Variants in RSPH9 observed in about 807,000 individuals in gnomAD.
RSPH9 encodes the protein radial spoke head protein 9 homolog.
RSPH9 carries 27 observed loss-of-function variants against 27.0 expected under a neutral mutation model. The observed-to-expected ratio is 1.00, with a 90% CI of 0.74 to 1.38. The LOEUF (loss-of-function observed/expected upper bound fraction) is 1.38. Among genes scored for constraint, RSPH9 ranks in the 40% most tolerant of loss-of-function variants. The probability of loss-of-function intolerance (pLI) is 0.00; values close to 1 mark genes in which losing one functional copy is unlikely to be tolerated. For missense variants in RSPH9, 347 were observed against 357.4 expected (o/e 0.97, Z 0.24); for synonymous variants, 145 against 147.7 (o/e 0.98, Z 0.13).
chr6:43,656,432 T>G, intron 3 of RSPH9, 145 bp from the exon 4 acceptor site: 1 of 954,944 alleles, frequency 1.0e-6, no homozygotes, highest in Non-Finnish European at 1.7e-6. Flanking sequence ...ACTGAGGGAA[T>G]GCTAATCCCT....
chr6:43,656,899 A>G (rs1274296943), intron 4 of RSPH9, among the ~76,000 whole-genome samples, 176 bp downstream of exon 4: 3 of 152,166 alleles, frequency 2.0e-5, no homozygotes, highest in African/African-American at 7.2e-5. Flanking sequence ...CACACTGATG[A>G]GTGTCCTTGA....
rs760687663 is a variant in RSPH9 at position 43,645,224 on chromosome 6, T to G, written c.126T>G (p.Asp42Glu). The G allele has an allele frequency of 1.2e-5, 20 of 1,613,958 alleles. No individual in the cohort carries two copies. The highest frequency in any genetic ancestry group is 1.5e-5 in the Non-Finnish European group (18 of 1,180,026). ...LMLVKRDYRY[D>E]RVLFWGRILG... ...TGGTTAAGCGCGACTACCGCTATGA[T>G]CGGGTTCTCTTCTGGGGCCGCATCC... is the stretch of plus-strand genomic sequence containing the variant. Residue 42 changes from aspartate to glutamate, a missense_variant, in exon 1 of 5, where the codon GAT becomes GAG. Coordinates refer to ENST00000372163, the MANE Select transcript of RSPH9 (RefSeq NM_152732.5).
intron 2 of RSPH9, among the ~76,000 whole-genome samples, chr6:43,653,314 A>G (rs866027773): frequency 4.6e-5 from 7 of 151,840 alleles, no homozygotes; most frequent in South Asian, 4.2e-4. Flanking sequence ...AGCCAGGCAC[A>G]GTGGCGCCTG....
chr6:43,650,143 A>C (rs1410658393), intron 1 of RSPH9, among the ~76,000 whole-genome samples: 5 of 152,108 alleles, frequency 3.3e-5, no homozygotes, highest in Admixed American at 3.3e-4. Flanking sequence ...GAAAGTCCTA[A>C]CCTCAAGTGA....
intron 2 of RSPH9, 59 bp downstream of exon 2, chr6:43,650,599 C>A: frequency 6.3e-7 from 1 of 1,591,702 alleles, no homozygotes; most frequent in Non-Finnish European, 8.6e-7. Flanking sequence ...CATCCAAAAC[C>A]CAGCCTAATA....
At chr6:43,659,158 C>G (rs1772339682) in intron 4 of RSPH9, among the ~76,000 whole-genome samples, 1 of 152,100 alleles carries the variant, frequency 6.6e-6, no homozygotes, top group Non-Finnish European at 1.5e-5. Flanking sequence ...CATCTTCAGG[C>G]TACACTTCTG....
At chr6:43,650,888 G>C (rs942525296) in intron 2 of RSPH9, among the ~76,000 whole-genome samples, 3 of 144,618 alleles carry the variant, frequency 2.1e-5, no homozygotes, top group East Asian at 2.0e-4. Flanking sequence ...CTGGGCAACA[G>C]AGTGAGACCC....
chr6:43,661,150 A>G (rs1772567267), intron 4 of RSPH9, among the ~76,000 whole-genome samples: 1 of 152,214 alleles, frequency 6.6e-6, no homozygotes, highest in Admixed American at 6.5e-5. Context: ...AAACCATGCT[A>G]TAAACAGACA....
intron 2 of RSPH9, 47 bp from the exon 3 acceptor site, chr6:43,655,515 C>A: frequency 2.5e-6 from 4 of 1,613,220 alleles, no homozygotes; most frequent in Non-Finnish European, 3.4e-6. Context: ...CGCCGGGGTG[C>A]CTGGGCACAG....
intron 2 of RSPH9, among the ~76,000 whole-genome samples, chr6:43,654,140 C>G (rs1203184774): frequency 6.6e-6 from 1 of 152,142 alleles, no homozygotes; most frequent in Non-Finnish European, 1.5e-5. Flanking sequence ...TTTTGTAAAC[C>G]ATTCAGGTAG....
At chr6:43,669,860 A>G (rs180917372) in intron 4 of RSPH9, among the ~76,000 whole-genome samples, 166 of 152,200 alleles carry the variant, frequency 1.1e-3, no homozygotes, top group African/African-American at 3.8e-3. Context: ...CTGTGTGGGG[A>G]GACAAAAACC....
chr6:43,666,531 G>C, intron 4 of RSPH9: 1 of 1,521,492 alleles, frequency 6.6e-7, no homozygotes, highest in Non-Finnish European at 8.9e-7. Context: ...GTAGGCCAAC[G>C]ACTCCGCATC....
At position 43,671,827 on chromosome 6, in the gene RSPH9, C is replaced by T. The variant is rs368981865; in HGVS notation, c.*878C>T. 3.0e-5 allele frequency: 49 copies of T among 1,614,178 alleles called. No homozygotes were observed. Among genetic ancestry groups the T allele is most frequent in the Middle Eastern group, 1.6e-4 (1 of 6,062 alleles). ...TTGTCCCTCAGAAGGGGTGACCCCA[C>T]GGGCATGCGCACCCTGTTCCAGCGG... On this transcript the variant is annotated 3_prime_UTR_variant, in exon 5 of 5. Coordinates refer to ENST00000372163, the MANE Select transcript of RSPH9 (RefSeq NM_152732.5).
intron 4 of RSPH9, among the ~76,000 whole-genome samples, chr6:43,660,238 A>G (rs1415035947): frequency 6.6e-6 from 1 of 151,424 alleles, no homozygotes; most frequent in African/African-American, 2.4e-5. Flanking sequence ...AGATGAGTTC[A>G]CCATGTTGGC....
chr6:43,670,204 A>C (rs1300244423), intron 4 of RSPH9, among the ~76,000 whole-genome samples: 1 of 152,056 alleles, frequency 6.6e-6, no homozygotes, highest in Admixed American at 6.5e-5. Flanking sequence ...CCCCCACTCA[A>C]CCTTTAGCTA....
chr6:43,666,433 C>CAGTT, intron 4 of RSPH9: 1 of 1,550,212 alleles, frequency 6.5e-7, no homozygotes, highest in Non-Finnish European at 8.7e-7. Flanking sequence ...GGGTCTGAGG[C>CAGTT]AGTTGTTCAG....
intron 1 of RSPH9, among the ~76,000 whole-genome samples, chr6:43,646,067 G>C (rs1002729645): frequency 5.3e-5 from 8 of 151,772 alleles, no homozygotes; most frequent in Non-Finnish European, 1.2e-4. Context: ...CGATTTTCCT[G>C]CCTCAGCCTC....
chr6:43,656,229 A>G (rs1486281401), intron 3 of RSPH9, among the ~76,000 whole-genome samples: 3 of 151,918 alleles, frequency 2.0e-5, no homozygotes, highest in Non-Finnish European at 4.4e-5. Flanking sequence ...GGGATTACAG[A>G]CACCCTCTAC....
At chr6:43,650,115 T>C (rs1326951127) in intron 1 of RSPH9, among the ~76,000 whole-genome samples, 1 of 152,186 alleles carries the variant, frequency 6.6e-6, no homozygotes, top group African/African-American at 2.4e-5. Context: ...GGTTTCACCA[T>C]GTTGGCCAGG....
Sources: gnomAD v4.1 joint callset for allele counts (sites outside exome capture counted in the v4.1 genomes callset) on GRCh38, gnomAD v4.1.1 for gene constraint, MANE v1.5 for transcripts, NCBI Gene and HGNC (gene_info 2026-07-23, HGNC 2026-07-21) for gene names.